Variants in SLC5A10 observed in about 807,000 individuals in gnomAD.
SLC5A10 encodes the protein sodium/mannose cotransporter SLC5A10.
SLC5A10 carries 55 observed loss-of-function variants against 68.9 expected under a neutral mutation model. That is an observed-to-expected ratio of 0.80 (90% confidence interval 0.64 to 1.00). SLC5A10 has a LOEUF of 1.00. Among genes scored for constraint, SLC5A10 ranks in the 50% least tolerant of loss-of-function variants. The pLI, the probability that SLC5A10 is intolerant of heterozygous loss-of-function variation, is 0.00. For missense variants in SLC5A10, 732 were observed against 819.3 expected (o/e 0.89, Z 1.30); for synonymous variants, 344 against 344.8 (o/e 1.00, Z 0.02).
rs141856816 is a variant in SLC5A10 at position 19,020,548 on chromosome 17, C to G, written c.*117C>G. Reference sequence around the variant, plus strand: ...TTCCCCTCACAGCTGCACAGCAGCTCGGTGCCCAAGAACTGGCCAAGCCAG... The same window carrying G: ...TTCCCCTCACAGCTGCACAGCAGCTGGGTGCCCAAGAACTGGCCAAGCCAG... On this transcript the variant is annotated 3_prime_UTR_variant, in exon 15 of 15. Transcript: ENST00000395645. 3.1e-6 allele frequency: 3 copies of G among 961,674 alleles called. No homozygotes were observed. Among genetic ancestry groups the G allele is most frequent in the South Asian group, 1.6e-5 (1 of 62,876 alleles). The allele number at this position is 961,674 out of a possible 1,614,324, so 59.6% of individuals were successfully genotyped here. A position where few individuals can be genotyped will look rare whatever the true frequency, so the allele number is the denominator to read the frequency against.
chr17:19,021,600 A>G lies in SLC5A10; in HGVS notation c.*1169A>G. The G allele has an allele frequency of 2.6e-6, 1 of 385,756 alleles. No individual in the cohort carries two copies. Among genetic ancestry groups the G allele is most frequent in the East Asian group, 3.7e-5 (1 of 27,000 alleles). The allele number at this position is 385,756 out of a possible 1,614,324, so 23.9% of individuals were successfully genotyped here. On this transcript the variant is annotated 3_prime_UTR_variant, in exon 15 of 15. Transcript: ENST00000395645. The surrounding 1 kb of genome is among the most constrained non-coding windows in gnomAD (Gnocchi z 4.1). Reference sequence around the variant, plus strand: ...CCACCCACCATGGCCAGGGTTCCTTAGGTTGAGCCTCCAGTGGGTGAAACC... The same window carrying G: ...CCACCCACCATGGCCAGGGTTCCTTGGGTTGAGCCTCCAGTGGGTGAAACC...
intron 1 of SLC5A10, among the ~76,000 whole-genome samples, chr17:18,957,005 C>T (rs1466052627): frequency 6.6e-6 from 1 of 152,006 alleles, no homozygotes. Flanking sequence ...AAAAATTAGC[C>T]AGGTGTGGTG....
chr17:18,953,032 G>T (rs1737946), intron 1 of SLC5A10, among the ~76,000 whole-genome samples: 1 of 151,996 alleles, frequency 6.6e-6, no homozygotes, highest in African/African-American at 2.4e-5. Flanking sequence ...CACGCTTAGC[G>T]CCTGGGGATG....
In SLC5A10 at chr17:19,019,604, G is replaced by C. The variant is rs371168430; in HGVS notation, c.1410+13G>C. 6 of 1,609,764 alleles carry C rather than the reference G, an allele frequency of 3.7e-6. No individual in the cohort carries two copies. The East Asian group carries it at 1.1e-4, about 30-fold the overall frequency. On this transcript the variant is annotated intron_variant, in intron 12 of 14. Transcript: ENST00000395645. ...TGCCAACGAGCAGGTGGGCGTCGGC[G>C]GTCTGCTCTCCCTGGGGACGTGCCA...
intron 9 of SLC5A10, among the ~76,000 whole-genome samples, chr17:19,012,869 C>T (rs749515287): frequency 7.2e-5 from 11 of 152,212 alleles, no homozygotes; most frequent in Admixed American, 2.0e-4. Context: ...AGGCAGGCCT[C>T]GCCAGCCCCT....
chr17:18,965,273 G>T (rs1449961916), intron 5 of SLC5A10, among the ~76,000 whole-genome samples: 1 of 152,176 alleles, frequency 6.6e-6, no homozygotes, highest in East Asian at 1.9e-4. Flanking sequence ...GAGGCGGGGA[G>T]TGTGGCAAAG....
rs943079145 is a variant in SLC5A10, at chr17:18,969,398, G to T, written c.616G>T (p.Gly206Trp). Residue 206 changes from glycine to tryptophan, a missense_variant, in exon 7 of 15, where the codon GGG becomes TGG. Transcript: ENST00000395645. ...CCTGCAGACGCTCATCATGGTGGTG[G>T]GGGCTGTCATCCTGACAATCAAAGG... ...DALQTLIMVV[G>W]AVILTIKAFD... The T allele has an allele frequency of 1.2e-6, 2 of 1,613,844 alleles. No individual in the cohort carries two copies. The highest frequency in any genetic ancestry group is 1.3e-5 in the African/African-American group (1 of 75,072).
chr17:18,999,236 C>T (rs1022641676), intron 9 of SLC5A10, among the ~76,000 whole-genome samples: 12 of 152,022 alleles, frequency 7.9e-5, no homozygotes, highest in Non-Finnish European at 1.5e-4. Context: ...AGAGATCGTG[C>T]CACTGCACTC....
At chr17:18,977,787 C>T in intron 9 of SLC5A10, 1 of 1,602,462 alleles carries the variant, frequency 6.2e-7, no homozygotes, top group Non-Finnish European at 8.5e-7. Flanking sequence ...CGGAGAGGGA[C>T]TGAGTGCTCT....
intron 1 of SLC5A10, among the ~76,000 whole-genome samples, chr17:18,956,233 A>T (rs978112148): frequency 6.6e-6 from 1 of 151,152 alleles, no homozygotes; most frequent in African/African-American, 2.4e-5. Flanking sequence ...ATAAATAAAT[A>T]AATAAATAAC....
intron 9 of SLC5A10, among the ~76,000 whole-genome samples, chr17:19,010,196 G>T (rs1266252542): frequency 6.6e-6 from 1 of 152,114 alleles, no homozygotes; most frequent in Non-Finnish European, 1.5e-5. Context: ...CTTGCAGGGG[G>T]AGTGGATTAG....
chr17:18,984,491 C>T (rs2043218451), intron 9 of SLC5A10, among the ~76,000 whole-genome samples: 1 of 152,226 alleles, frequency 6.6e-6, no homozygotes, highest in Non-Finnish European at 1.5e-5. Flanking sequence ...AGCGTGAGGC[C>T]TGAGCGGCAG....
At chr17:19,013,551 G>C (rs760541074) in intron 10 of SLC5A10, 34 bp downstream of exon 10, 1 of 1,405,948 alleles carries the variant, frequency 7.1e-7, no homozygotes, top group Non-Finnish European at 9.3e-7. Context: ...TGGGTGGAGG[G>C]CGTGGGGTTG....
In SLC5A10 at chr17:18,968,953, C is replaced by T. The variant is rs2042768255; in HGVS notation, c.454-99C>T. 8.7e-7 allele frequency: 1 copy of T among 1,156,002 alleles called. No individual in the cohort carries two copies. The highest frequency in any genetic ancestry group is 1.5e-5 in the African/African-American group (1 of 64,898). The allele number at this position is 1,156,002 out of a possible 1,614,324, so 71.6% of individuals were successfully genotyped here. A position where few individuals can be genotyped will look rare whatever the true frequency, so the allele number is the denominator to read the frequency against. On this transcript the variant is annotated intron_variant, in intron 5 of 14. Coordinates refer to ENST00000395645, the MANE Select transcript of SLC5A10 (RefSeq NM_001042450.4). This position sits in a 1 kb window ranked among gnomAD's most constrained non-coding sequence, Gnocchi z 4.1. ...GGGTCTCCCCTCCTTATCCACAGGC[C>T]ACCGAGGCCCAGAGAGGGCCTTGCC...
intron 9 of SLC5A10, among the ~76,000 whole-genome samples, chr17:18,998,926 A>G (rs938429689): frequency 1.3e-5 from 2 of 152,162 alleles, no homozygotes; most frequent in Admixed American, 6.5e-5. Flanking sequence ...TGTTCTTGTG[A>G]GTCCCCGTCC....
In SLC5A10 at chr17:18,959,288, G is replaced by A. The variant is rs950916468; in HGVS notation, c.288+49G>A. On this transcript the variant is annotated intron_variant, in intron 3 of 14. Transcript: ENST00000395645. Reference sequence around the variant, plus strand: ...CTGTGGGAGGGCCAGGGCACAGGATGTGGTCGCAGCACTGGAGGGGGACAG... The same window carrying A: ...CTGTGGGAGGGCCAGGGCACAGGATATGGTCGCAGCACTGGAGGGGGACAG... 6 of 1,580,910 alleles carry A rather than the reference G, an allele frequency of 3.8e-6. No individual in the cohort carries two copies. The Admixed American group carries it at 6.7e-5, about 18-fold the overall frequency.
intron 9 of SLC5A10, chr17:18,988,411 T>C (rs1287026198): frequency 6.2e-7 from 1 of 1,613,910 alleles, no homozygotes; most frequent in Non-Finnish European, 8.5e-7. Flanking sequence ...ACCACAGCTA[T>C]CACCTGGGAG....
chr17:18,982,086 G>A (rs544785182), intron 9 of SLC5A10, among the ~76,000 whole-genome samples: 8 of 152,336 alleles, frequency 5.3e-5, no homozygotes, highest in Middle Eastern at 3.4e-3. Context: ...ATGAGGGCTC[G>A]GAAAGTCACC....
At chr17:19,019,327 G>C (rs1006870090) in intron 11 of SLC5A10, 96 bp from the exon 12 acceptor site, 25 of 1,446,874 alleles carry the variant, frequency 1.7e-5, no homozygotes, top group Non-Finnish European at 2.1e-5. Flanking sequence ...GGTAGCAGGG[G>C]AAAGATTAGA....
Sources: gnomAD v4.1 joint callset for allele counts (sites outside exome capture counted in the v4.1 genomes callset) on GRCh38, gnomAD v4.1.1 for gene constraint, Gnocchi (gnomAD v3.1) non-coding constraint, MANE v1.5 for transcripts, NCBI Gene and HGNC (gene_info 2026-07-23, HGNC 2026-07-21) for gene names.